ELP2: variants seen among roughly 807,000 people sequenced by gnomAD.
ELP2 encodes elongator acetyltransferase complex subunit 2.
ELP2 carries 90 observed loss-of-function variants against 119.2 expected under a neutral mutation model. The ratio of observed to expected loss-of-function variants is 0.75; its 90% CI spans 0.64 to 0.90. The LOEUF is 0.90. ELP2 is among the 40% of genes least tolerant of loss of function. ELP2 has a pLI of 0.00. For synonymous variants in ELP2, 339 were observed against 331.0 expected (o/e 1.02, Z -0.26); for missense variants, 921 against 967.8 (o/e 0.95, Z 0.64).
intron 13 of ELP2, among the ~76,000 whole-genome samples, chr18:36,157,737 T>G (rs552472846): frequency 1.3e-5 from 2 of 152,300 alleles, no homozygotes; most frequent in South Asian, 4.1e-4. Context: ...CTACAGGCTT[T>G]CTTGATTATG....
intron 2 of ELP2, among the ~76,000 whole-genome samples, chr18:36,135,964 G>A (rs2089808800): frequency 6.6e-6 from 1 of 152,154 alleles, no homozygotes; most frequent in African/African-American, 2.4e-5. Context: ...TTTTAATATG[G>A]ACTGTATATT....
chr18:36,148,299 T>G (rs1313371934), intron 11 of ELP2, among the ~76,000 whole-genome samples: 1 of 152,078 alleles, frequency 6.6e-6, no homozygotes, highest in Non-Finnish European at 1.5e-5. Context: ...TTCATGGTTT[T>G]AGCACCTCGT....
At position 36,175,232 on chromosome 18, in the gene ELP2, C is replaced by G. The variant is rs1223623697; in HGVS notation, c.*591C>G. On this transcript the variant is annotated 3_prime_UTR_variant, in exon 22 of 22. Coordinates refer to ENST00000358232, the MANE Select transcript of ELP2 (RefSeq NM_018255.4). ...TGCCCAATTTTGTGTTATTTTGGGA[C>G]TTAATTTGTCCCTCTTTGGGACATT... 6.6e-6 allele frequency: 1 copy of G among 152,368 alleles called. No individual in the cohort carries two copies. The highest frequency in any genetic ancestry group is 6.5e-5 in the Admixed American group (1 of 15,302). The allele number at this position is 152,368 out of a possible 1,614,324, so 9.4% of individuals were successfully genotyped here.
intron 19 of ELP2, among the ~76,000 whole-genome samples, chr18:36,168,905 C>T (rs918958073): frequency 1.3e-4 from 18 of 141,280 alleles, no homozygotes; most frequent in Non-Finnish European, 2.6e-4. Context: ...TCACTTCTCT[C>T]TCCATTTCTT....
At chr18:36,138,504 T>C (rs1015814500) in intron 4 of ELP2, 78 bp downstream of exon 4, 2 of 1,460,670 alleles carry the variant, frequency 1.4e-6, no homozygotes, top group African/African-American at 2.8e-5. Context: ...AGCATATATA[T>C]AATTCTTTAC....
chr18:36,174,920 T>TGA lies in ELP2; in HGVS notation c.*279_*280insGA. ...GTTGGCCAGGCGGGTCTCAAACTCC[T>TGA]CGTCTCAGGTGATCTGCTTGCCTCG... On this transcript the variant is annotated 3_prime_UTR_variant, in exon 22 of 22. Coordinates refer to ENST00000358232, the MANE Select transcript of ELP2 (RefSeq NM_018255.4). 1 of 367,138 alleles carries TGA rather than the reference T, an allele frequency of 2.7e-6. No homozygotes were observed. Among genetic ancestry groups the TGA allele is most frequent in the Non-Finnish European group, 5.2e-6 (1 of 193,882 alleles). 22.7% of individuals were successfully genotyped at this position (367,138 alleles called of 1,614,324 possible).
At chr18:36,169,010 C>T (rs1384063830) in intron 19 of ELP2, among the ~76,000 whole-genome samples, 2 of 145,992 alleles carry the variant, frequency 1.4e-5, no homozygotes, top group Admixed American at 6.9e-5. Context: ...CTGCAACCCC[C>T]GCCTCCCAGG....
rs889602001 is a variant in ELP2 at position 36,167,237 on chromosome 18, A to T, written c.2076+15A>T. 2 of 1,546,022 alleles carry T rather than the reference A, an allele frequency of 1.3e-6. No individual in the cohort carries two copies. The highest frequency in any genetic ancestry group is 1.8e-6 in the Non-Finnish European group (2 of 1,139,226). Reference sequence around the variant, plus strand: ...GAGACAAAAAGGTAATTATTTAAAAATTTAATATTTTTTCAAATGTAAAAA... The same window carrying T: ...GAGACAAAAAGGTAATTATTTAAAATTTTAATATTTTTTCAAATGTAAAAA... On this transcript the variant is annotated intron_variant, in intron 19 of 21. Transcript: ENST00000358232.
chr18:36,171,444 A>G lies in ELP2; in HGVS notation c.2324+284A>G, dbSNP rs75087064. ...TGATTTCCATAATGGTGTGTTGTAG[A>G]ATTTGACTACAGTAGATTCTTAATT... On this transcript the variant is annotated intron_variant, in intron 21 of 21. Coordinates refer to ENST00000358232, the MANE Select transcript of ELP2 (RefSeq NM_018255.4). Among the ~76,000 whole-genome samples the G allele has an allele frequency of 1.6e-3, 238 of 152,340 alleles. 1 individual carries two copies. The highest frequency in any genetic ancestry group is 5.3e-3 in the African/African-American group (220 of 41,590).
chr18:36,163,481 A>ATT (rs551701846), intron 17 of ELP2, among the ~76,000 whole-genome samples: 1 of 146,964 alleles, frequency 6.8e-6, no homozygotes, highest in Non-Finnish European at 1.5e-5. Flanking sequence ...CAGTTTATCA[A>ATT]TTTTTTTTTT....
At position 36,179,469 on chromosome 18, in the gene ELP2, C is replaced by CCAT. The variant is rs1432820052; in HGVS notation, c.*4830_*4832dup. 3 of 118,084 alleles carry CCAT rather than the reference C, an allele frequency of 2.5e-5. No individual in the cohort carries two copies. Among genetic ancestry groups the CCAT allele is most frequent in the African/African-American group, 9.6e-5 (3 of 31,094 alleles). 7.3% of individuals were successfully genotyped at this position (118,084 alleles called of 1,614,324 possible). The stretch of plus-strand genomic sequence containing the variant: ...CCAGCCTGGGCAACAGAGTGAGACT[C>CCAT]CATCTCAAAAAAAAAAAAAAAAAAA... On this transcript the variant is annotated 3_prime_UTR_variant, in exon 22 of 22. Coordinates refer to ENST00000358232, the MANE Select transcript of ELP2 (RefSeq NM_018255.4).
chr18:36,159,050 A>G, intron 14 of ELP2, 146 bp downstream of exon 14: 1 of 672,776 alleles, frequency 1.5e-6, no homozygotes, highest in Non-Finnish European at 2.7e-6. Context: ...TTTCGTGATA[A>G]GTACTCTTTG....
At chr18:36,157,826 A>G (rs1462034758) in intron 13 of ELP2, among the ~76,000 whole-genome samples, 1 of 152,166 alleles carries the variant, frequency 6.6e-6, no homozygotes, top group African/African-American at 2.4e-5. Flanking sequence ...GGAAGCCTTA[A>G]TTGTGGTTAT....
In ELP2 at chr18:36,142,198, ACTGT is replaced by A. The variant is rs752418014; in HGVS notation, c.589-79_589-76del. The A allele has an allele frequency of 1.5e-4, 161 of 1,072,760 alleles. 1 individual carries two copies. Among genetic ancestry groups the A allele is most frequent in the Non-Finnish European group, 2.3e-4 (156 of 686,780 alleles). The allele number at this position is 1,072,760 out of a possible 1,614,324, so 66.5% of individuals were successfully genotyped here. A position where few individuals can be genotyped will look rare whatever the true frequency, so the allele number is the denominator to read the frequency against. On this transcript the variant is annotated intron_variant, in intron 6 of 21. Coordinates refer to ENST00000358232, the MANE Select transcript of ELP2 (RefSeq NM_018255.4). ...CTCAGTAAAAGAGCAACGCAGTAGG[ACTGT>A]CTGAGACCAAATGATGTCACTGGTA...
intron 18 of ELP2, among the ~76,000 whole-genome samples, chr18:36,166,299 T>C (rs1054692700): frequency 3.3e-5 from 5 of 151,074 alleles, no homozygotes; most frequent in African/African-American, 1.2e-4. Context: ...TAAACAGTTA[T>C]GTGGTTTTTG....
chr18:36,144,780 G>A (rs566566803), intron 8 of ELP2, among the ~76,000 whole-genome samples, 159 bp from the exon 9 acceptor site: 3 of 152,162 alleles, frequency 2.0e-5, no homozygotes, highest in South Asian at 2.1e-4. Flanking sequence ...AGCAGTTGAG[G>A]TTGAAGAAAT....
At chr18:36,155,271 C>T (rs887667010) in intron 12 of ELP2, among the ~76,000 whole-genome samples, 3 of 145,214 alleles carry the variant, frequency 2.1e-5, no homozygotes, top group Non-Finnish European at 4.5e-5. Context: ...CCCTCCCCCC[C>T]CCCCGCCTCC....
Position 36,129,907 on chromosome 18 carries a change from T to C in ELP2, c.-27T>C, listed in dbSNP as rs1022570625. 6.2e-7 allele frequency: 1 copy of C among 1,614,138 alleles called. No individual in the cohort carries two copies. The highest frequency in any genetic ancestry group is 2.2e-5 in the East Asian group (1 of 44,872). ...TCCGAGGGCGGAAGTGCGCGTCTCT[T>C]GTTTGTGCGGCTGACCAGTTGGCGA... is the stretch of plus-strand genomic sequence containing the variant. On this transcript the variant is annotated 5_prime_UTR_variant, in exon 1 of 22. Coordinates refer to ENST00000358232, the MANE Select transcript of ELP2 (RefSeq NM_018255.4).
chr18:36,140,151 C>T (rs1598747816), intron 5 of ELP2, among the ~76,000 whole-genome samples: 2 of 151,438 alleles, frequency 1.3e-5, no homozygotes, highest in African/African-American at 4.9e-5. Context: ...GATCCCCTTG[C>T]GTAGCTTTGT....
Sources: gnomAD v4.1 joint callset for allele counts (sites outside exome capture counted in the v4.1 genomes callset) on GRCh38, gnomAD v4.1.1 for gene constraint, MANE v1.5 for transcripts, NCBI Gene and HGNC (gene_info 2026-07-23, HGNC 2026-07-21) for gene names.